Variants in METTL24 observed in about 807,000 individuals in gnomAD.
METTL24 encodes probable methyltransferase-like protein 24.
METTL24 carries 29 observed loss-of-function variants against 32.7 expected under a neutral mutation model. The observed-to-expected ratio is 0.89, with a 90% CI of 0.66 to 1.21. The LOEUF is 1.21. Ranked by LOEUF, METTL24 falls within the 50% of genes most tolerant of loss-of-function variation. The pLI is 0.00. For missense variants in METTL24, 439 were observed against 468.1 expected, an observed-to-expected ratio of 0.94 and a Z score of 0.57; for synonymous variants, 163 against 179.5, an observed-to-expected ratio of 0.91 and a Z score of 0.73.
At chr6:110,354,902 G>A (rs1303501319) in intron 1 of METTL24, among the ~76,000 whole-genome samples, 2 of 152,158 alleles carry the variant, frequency 1.3e-5, no homozygotes, top group African/African-American at 2.4e-5. Context: ...TTTACCTTAG[G>A]AGACTAAAAA....
chr6:110,338,370 T>C (rs1772282545), intron 1 of METTL24, among the ~76,000 whole-genome samples: 1 of 152,092 alleles, frequency 6.6e-6, no homozygotes, highest in African/African-American at 2.4e-5. Flanking sequence ...TGATGGTGCA[T>C]GCCTGTAATA....
At chr6:110,350,629 T>A (rs7773202) in intron 1 of METTL24, among the ~76,000 whole-genome samples, 6,533 of 151,926 alleles carry the variant, frequency 0.043, 470 homozygotes, top group African/African-American at 0.15. Flanking sequence ...CTCTACTAAA[T>A]GTCCTCGAAA....
At chr6:110,340,889 T>C (rs909251500) in intron 1 of METTL24, among the ~76,000 whole-genome samples, 1 of 152,192 alleles carries the variant, frequency 6.6e-6, no homozygotes, top group Non-Finnish European at 1.5e-5. Context: ...TATTTTTACA[T>C]TGAAAAGTTT....
chr6:110,351,569 T>C (rs1280452854), intron 1 of METTL24, among the ~76,000 whole-genome samples: 1 of 152,134 alleles, frequency 6.6e-6, no homozygotes, highest in Non-Finnish European at 1.5e-5. Flanking sequence ...TAGAATAAAA[T>C]ATGAGAAAAA....
chr6:110,310,094 A>T (rs1301479774), intron 3 of METTL24, among the ~76,000 whole-genome samples: 3 of 152,198 alleles, frequency 2.0e-5, no homozygotes, highest in Non-Finnish European at 2.9e-5. Flanking sequence ...CTATTATAAG[A>T]TGAAAATATT....
chr6:110,350,762 CAAAATAAAATAAAATAAAAT>C (rs57785468), intron 1 of METTL24, among the ~76,000 whole-genome samples: 3,198 of 115,960 alleles, frequency 0.028, 135 homozygotes, highest in African/African-American at 0.096. Flanking sequence ...CCTGTCTCAA[CAAAATAAAATAAAATAAAAT>C]AAAATAAAAT....
chr6:110,270,159 G>C (rs1008516098), intron 4 of METTL24, among the ~76,000 whole-genome samples: 3 of 152,140 alleles, frequency 2.0e-5, no homozygotes. Context: ...ACAGAGAGTA[G>C]AGATAATCAT....
rs371550805 is a variant in METTL24 at position 110,299,010 on chromosome 6, C to A, written c.698G>T (p.Arg233Leu). The change falls in exon 4 of 5, where the codon CGG becomes CTG. Residue 233 changes from arginine (R) to leucine (L), a missense_variant. Arg to Leu is a moderately radical substitution (Grantham distance 102). Coordinates refer to ENST00000338882, the MANE Select transcript of METTL24 (RefSeq NM_001123364.3). The stretch of plus-strand genomic sequence containing the variant: ...GGCAGCAACAGCTGGATGGGGATCC[C>A]GCCAGTCAATGGACAAGCGGTGATA... Reference protein sequence around the residue: ...LWYHRLSIDWRDPHPAVAAQK... With the variant: ...LWYHRLSIDWLDPHPAVAAQK... 2.5e-6 allele frequency: 4 copies of A among 1,614,026 alleles called. No individual in the cohort carries two copies. The African/African-American group carries it at 5.3e-5, about 22-fold the overall frequency.
intron 4 of METTL24, among the ~76,000 whole-genome samples, chr6:110,267,219 G>GA (rs1338505350): frequency 6.6e-6 from 1 of 152,146 alleles, no homozygotes; most frequent in Non-Finnish European, 1.5e-5. Context: ...AAGAGAAAAG[G>GA]AAGGATTAAG....
chr6:110,265,117 A>T (rs941483189), intron 4 of METTL24, among the ~76,000 whole-genome samples: 2 of 149,466 alleles, frequency 1.3e-5, no homozygotes, highest in Non-Finnish European at 3.0e-5. Flanking sequence ...AACTTAAAGT[A>T]TAATAAAAAA....
intron 3 of METTL24, among the ~76,000 whole-genome samples, chr6:110,310,515 T>C (rs1310716563): frequency 6.6e-6 from 1 of 152,156 alleles, no homozygotes; most frequent in Non-Finnish European, 1.5e-5. Flanking sequence ...GTAGATGATA[T>C]TGTCATCTGA....
intron 1 of METTL24, among the ~76,000 whole-genome samples, chr6:110,355,896 G>A (rs1301883623): frequency 6.6e-6 from 1 of 152,152 alleles, no homozygotes; most frequent in Non-Finnish European, 1.5e-5. Flanking sequence ...GCAGGGATGA[G>A]TGTGAACCTC....
rs1050869347 is a variant in METTL24, at chr6:110,300,605, G to C, written c.558-1455C>G. 2.6e-5 allele frequency among the ~76,000 whole-genome samples: 4 copies of C among 151,878 alleles called. 1 individual carries two copies. The highest frequency in any genetic ancestry group is 3.9e-4 in the East Asian group (2 of 5,146). ...CTGGCTAACTTTTGTACTTTTAGTA[G>C]AGACGGGGTTTCACCATGTTGCCCA... is the stretch of plus-strand genomic sequence containing the variant. On this transcript the variant is annotated intron_variant, in intron 3 of 4. Transcript: ENST00000338882.
intron 1 of METTL24, among the ~76,000 whole-genome samples, chr6:110,351,909 A>G (rs1041288274): frequency 1.3e-5 from 2 of 152,240 alleles, no homozygotes; most frequent in African/African-American, 4.8e-5. Context: ...TCTTCCTCCA[A>G]TTCAGTGAGA....
intron 3 of METTL24, among the ~76,000 whole-genome samples, chr6:110,309,178 G>A (rs116633539): frequency 0.018 from 2,666 of 152,230 alleles, 75 homozygotes; most frequent in East Asian, 0.12. Flanking sequence ...CAAAGACAGG[G>A]AAAGTTTTTA....
At chr6:110,298,386 A>G (rs1369876186) in intron 4 of METTL24, among the ~76,000 whole-genome samples, 1 of 152,238 alleles carries the variant, frequency 6.6e-6, no homozygotes, top group East Asian at 1.9e-4. Context: ...CTTTGGTATA[A>G]TTATATAATT....
chr6:110,300,752 T>G (rs1211972955), intron 3 of METTL24, among the ~76,000 whole-genome samples: 8 of 151,524 alleles, frequency 5.3e-5, no homozygotes, highest in African/African-American at 1.7e-4. Context: ...GCCCTCTGTA[T>G]CCACAGATCT....
intron 2 of METTL24, 68 bp downstream of exon 2, chr6:110,322,706 C>A: frequency 7.3e-7 from 1 of 1,363,040 alleles, no homozygotes; most frequent in Non-Finnish European, 1.0e-6. Context: ...CCCCCACCTC[C>A]TTCTTTCAAA....
chr6:110,298,533 T>G (rs1394706481), intron 4 of METTL24, among the ~76,000 whole-genome samples: 1 of 148,182 alleles, frequency 6.7e-6, no homozygotes, highest in African/African-American at 2.7e-5. Flanking sequence ...AAGCAATATC[T>G]TAGTAAACAT....
Sources: gnomAD v4.1 joint callset for allele counts (sites outside exome capture counted in the v4.1 genomes callset) on GRCh38, gnomAD v4.1.1 for gene constraint, MANE v1.5 for transcripts, NCBI Gene and HGNC (gene_info 2026-07-23, HGNC 2026-07-21) for gene names.